CCDC7: variants seen among roughly 807,000 people sequenced by gnomAD.
CCDC7 encodes coiled-coil domain containing 7, also known as coiled-coil domain-containing protein 7.
A neutral mutation model predicts 196.9 loss-of-function variants in CCDC7; 183 were observed. The observed-to-expected ratio is 0.93, with a 90% confidence interval of 0.82 to 1.05. The LOEUF is 1.05. CCDC7 is among the 50% of genes least tolerant of loss of function. The probability of loss-of-function intolerance (pLI) is 0.00; values close to 1 mark genes in which losing one functional copy is unlikely to be tolerated. For synonymous variants in CCDC7, 525 were observed against 484.6 expected, an observed-to-expected ratio of 1.08 and a Z score of -1.10; for missense variants, 1,540 against 1,482.2, an observed-to-expected ratio of 1.04 and a Z score of -0.64.
At chr10:32,675,861 C>A (rs1171483448) in intron 21 of CCDC7, 1 of 151,972 alleles carries the variant, frequency 6.6e-6, no homozygotes, top group Non-Finnish European at 1.5e-5. Flanking sequence ...CAATGACTTT[C>A]TTCACAGAAT....
intron 16 of CCDC7, among the ~76,000 whole-genome samples, chr10:32,581,414 C>T (rs948934271): frequency 5.3e-5 from 8 of 152,046 alleles, no homozygotes; most frequent in Admixed American, 2.0e-4. Flanking sequence ...TCTCCTCCTC[C>T]TCCTCCTTCA....
chr10:32,700,307 A>T (rs892993794), intron 24 of CCDC7, among the ~76,000 whole-genome samples: 2 of 149,516 alleles, frequency 1.3e-5, no homozygotes, highest in South Asian at 4.1e-4. Flanking sequence ...TTTATTAACT[A>T]GGGAATCCTT....
intron 21 of CCDC7, among the ~76,000 whole-genome samples, chr10:32,671,353 G>T (rs576394994): frequency 6.6e-6 from 1 of 152,074 alleles, no homozygotes; most frequent in Admixed American, 6.5e-5. Flanking sequence ...ACAGTATTTA[G>T]TATAGTAACA....
At chr10:32,696,093 C>CA (rs940344469) in intron 24 of CCDC7, among the ~76,000 whole-genome samples, 5 of 151,658 alleles carry the variant, frequency 3.3e-5, no homozygotes, top group Non-Finnish European at 7.4e-5. Flanking sequence ...CCATATACCC[C>CA]AAAAAAATGG....
intron 21 of CCDC7, among the ~76,000 whole-genome samples, chr10:32,676,589 C>T (rs923534259): frequency 1.3e-5 from 2 of 152,122 alleles, no homozygotes; most frequent in African/African-American, 4.8e-5. Context: ...CAAAAGAAGA[C>T]ATTTATGCAG....
chr10:32,748,624 A>G (rs1464446304), intron 28 of CCDC7, among the ~76,000 whole-genome samples: 2 of 152,166 alleles, frequency 1.3e-5, no homozygotes, highest in African/African-American at 4.8e-5. Flanking sequence ...GTCTTCTATA[A>G]TCTTATGGTT....
chr10:32,583,039 A>G, exon 17 of CCDC7: 1 of 1,231,188 alleles, frequency 8.1e-7, no homozygotes, highest in Middle Eastern at 3.1e-4. Context: ...TAAAGCTCAG[A>G]GAAGAAACGA....
At chr10:32,854,966 C>T (rs992022191) in intron 41 of CCDC7, among the ~76,000 whole-genome samples, 3 of 152,118 alleles carry the variant, frequency 2.0e-5, no homozygotes, top group Non-Finnish European at 2.9e-5. Flanking sequence ...AGGTATATAT[C>T]ATTTTAATTT....
At chr10:32,675,627 G>A (rs147384403) in intron 21 of CCDC7, 1 of 152,216 alleles carries the variant, frequency 6.6e-6, no homozygotes, top group East Asian at 1.9e-4. Flanking sequence ...CATATACTTT[G>A]GTGTTACTGT....
intron 13 of CCDC7, among the ~76,000 whole-genome samples, chr10:32,561,851 T>C (rs1328479946): frequency 1.3e-5 from 2 of 152,110 alleles, no homozygotes; most frequent in Non-Finnish European, 2.9e-5. Context: ...AAAAAATTAG[T>C]GAATCCAGGA....
intron 33 of CCDC7, among the ~76,000 whole-genome samples, chr10:32,843,704 T>A (rs567693610): frequency 2.2e-4 from 34 of 152,112 alleles, no homozygotes; most frequent in African/African-American, 7.9e-4. Context: ...CCTCTCTGCT[T>A]ATCTAAGAAT....
intron 3 of CCDC7, 26 bp downstream of exon 4, chr10:32,456,360 G>A: frequency 6.9e-7 from 1 of 1,444,894 alleles, no homozygotes; most frequent in Non-Finnish European, 9.3e-7. Context: ...ATACTGTCAA[G>A]TATAAAATAT....
intron 30 of CCDC7, among the ~76,000 whole-genome samples, chr10:32,806,673 A>G (rs2085926223): frequency 6.6e-6 from 1 of 152,176 alleles, no homozygotes; most frequent in Non-Finnish European, 1.5e-5. Flanking sequence ...AACTTAAAGT[A>G]TTAGGAACAC....
chr10:32,508,981 C>A (rs1259355646), intron 9 of CCDC7, among the ~76,000 whole-genome samples: 6 of 132,310 alleles, frequency 4.5e-5, no homozygotes, highest in Non-Finnish European at 9.3e-5. Context: ...GTCACCCAGG[C>A]TGGAGTGCAG....
chr10:32,764,026 C>T (rs2077868832), intron 28 of CCDC7, among the ~76,000 whole-genome samples: 1 of 151,848 alleles, frequency 6.6e-6, no homozygotes, highest in Non-Finnish European at 1.5e-5. Context: ...TTTAATCATT[C>T]TGCAATGTAT....
intron 28 of CCDC7, among the ~76,000 whole-genome samples, chr10:32,730,001 G>C (rs2083687518): frequency 6.6e-6 from 1 of 152,052 alleles, no homozygotes; most frequent in African/African-American, 2.4e-5. Context: ...AAATCAGCTT[G>C]AATTTTAAGT....
At chr10:32,693,398 A>AT (rs1001092883) in intron 23 of CCDC7, among the ~76,000 whole-genome samples, 114 of 150,962 alleles carry the variant, frequency 7.6e-4, no homozygotes, top group African/African-American at 2.3e-3. Context: ...TTCCTTCTCT[A>AT]TTTTTTTTCT....
rs35364422 is a variant in CCDC7, at chr10:32,600,301, GT to G, written c.1801+16009del. On this transcript the variant is annotated intron_variant, in intron 18 of 41. Transcript: ENST00000639629. ...ACCTCATTTGTTGCGTATATTTCTA[GT>G]TTTTTTTTTTTGCAGCTATTGTAAA... 5.6e-4 allele frequency among the ~76,000 whole-genome samples: 82 copies of G among 146,280 alleles called. 1 individual carries two copies. Among genetic ancestry groups the G allele is most frequent in the East Asian group, 1.4e-3 (7 of 5,030 alleles).
intron 13 of CCDC7, among the ~76,000 whole-genome samples, chr10:32,549,409 T>C (rs1486977680): frequency 6.6e-6 from 1 of 152,202 alleles, no homozygotes; most frequent in Admixed American, 6.5e-5. Context: ...CAAAAGCTTT[T>C]TAGTTTAATT....
Sources: allele counts gnomAD v4.1 joint callset (sites outside exome capture counted in the v4.1 genomes callset), GRCh38; gene constraint gnomAD v4.1.1; transcripts MANE v1.5; gene names NCBI Gene and HGNC (gene_info 2026-07-23, HGNC 2026-07-21).